ADAMTSL1: variants seen among roughly 807,000 people sequenced by gnomAD.
ADAMTSL1 encodes ADAMTS like 1.
A neutral mutation model predicts 201.8 loss-of-function variants in ADAMTSL1; 126 were observed. The ratio of observed to expected loss-of-function variants is 0.62; its 90% CI spans 0.54 to 0.72. ADAMTSL1 has a LOEUF of 0.72. ADAMTSL1 is among the 30% of genes least tolerant of loss of function. ADAMTSL1 has a pLI of 0.00. For missense variants in ADAMTSL1, 2,679 were observed against 2,277.8 expected (o/e 1.18, Z -3.59); for synonymous variants, 1,121 against 903.4 (o/e 1.24, Z -4.32).
intron 1 of ADAMTSL1, among the ~76,000 whole-genome samples, chr9:18,034,156 T>G (rs1249901150): frequency 6.6e-6 from 1 of 152,202 alleles, no homozygotes; most frequent in Admixed American, 6.5e-5. Context: ...ATAAAAACTT[T>G]TCTTTGAATC....
chr9:18,800,691 G>T (rs1169405445), intron 20 of ADAMTSL1, among the ~76,000 whole-genome samples: 1 of 152,174 alleles, frequency 6.6e-6, no homozygotes, highest in African/African-American at 2.4e-5. Context: ...GCACATCTCA[G>T]TCTCAAAAAA....
At chr9:18,740,457 C>CTTT (rs66460645) in intron 15 of ADAMTSL1, among the ~76,000 whole-genome samples, 4 of 126,590 alleles carry the variant, frequency 3.2e-5, no homozygotes, top group Non-Finnish European at 3.2e-5. Context: ...ATGTTCCTTT[C>CTTT]TTTTTTTTTT....
chr9:18,251,492 C>A (rs1018393194), intron 2 of ADAMTSL1, among the ~76,000 whole-genome samples: 2 of 152,078 alleles, frequency 1.3e-5, no homozygotes, highest in Admixed American at 6.5e-5. Flanking sequence ...TTCTGAATGG[C>A]AGGAGAATAT....
intron 2 of ADAMTSL1, among the ~76,000 whole-genome samples, chr9:18,194,259 A>C (rs535752674): frequency 6.6e-6 from 1 of 152,168 alleles, no homozygotes; most frequent in African/African-American, 2.4e-5. Flanking sequence ...GGCTAAGTCA[A>C]GTTATTTTTT....
chr9:18,462,500 A>G (rs1820844369), intron 2 of ADAMTSL1, among the ~76,000 whole-genome samples: 1 of 152,242 alleles, frequency 6.6e-6, no homozygotes, highest in African/African-American at 2.4e-5. Context: ...AAAATTTTTT[A>G]TATAACTATG....
intron 23 of ADAMTSL1, among the ~76,000 whole-genome samples, chr9:18,854,043 C>A (rs1211551806): frequency 2.6e-5 from 4 of 152,100 alleles, no homozygotes; most frequent in Non-Finnish European, 4.4e-5. Flanking sequence ...TGTGCCACAT[C>A]CTGCTATGTT....
intron 20 of ADAMTSL1, among the ~76,000 whole-genome samples, chr9:18,809,442 AG>A (rs1464212164): frequency 5.3e-5 from 8 of 152,076 alleles, no homozygotes; most frequent in Non-Finnish European, 1.2e-4. Context: ...GGGCTAAGTG[AG>A]GTAGGTGATA....
At chr9:18,639,512 G>A in intron 7 of ADAMTSL1, 101 bp downstream of exon 7, 1 of 1,400,214 alleles carries the variant, frequency 7.1e-7, no homozygotes, top group Non-Finnish European at 9.7e-7. Flanking sequence ...CATATGTTTG[G>A]AAAGCCCGTT....
intron 23 of ADAMTSL1, among the ~76,000 whole-genome samples, chr9:18,837,282 T>TA: frequency 6.6e-6 from 1 of 152,252 alleles, no homozygotes; most frequent in Non-Finnish European, 1.5e-5. Flanking sequence ...GTATATGATA[T>TA]AAGCTATATA....
intron 2 of ADAMTSL1, among the ~76,000 whole-genome samples, chr9:18,184,738 T>C (rs751354559): frequency 1.3e-5 from 2 of 152,194 alleles, no homozygotes; most frequent in Non-Finnish European, 2.9e-5. Flanking sequence ...GAAAAAAATA[T>C]GAGGCAGCAA....
intron 15 of ADAMTSL1, among the ~76,000 whole-genome samples, chr9:18,727,632 A>T (rs1254369282): frequency 1.3e-5 from 2 of 152,232 alleles, no homozygotes; most frequent in Admixed American, 1.3e-4. Flanking sequence ...GACATCAACA[A>T]GGGTAAAGGT....
chr9:18,639,156 C>T (rs1827285144), intron 6 of ADAMTSL1, 98 bp from the exon 7 acceptor site: 2 of 1,172,236 alleles, frequency 1.7e-6, no homozygotes, highest in Non-Finnish European at 2.5e-6. Context: ...AATGATGTGT[C>T]TCCCTTACCT....
intron 2 of ADAMTSL1, among the ~76,000 whole-genome samples, chr9:18,203,163 T>A (rs887626701): frequency 1.3e-5 from 2 of 152,112 alleles, no homozygotes; most frequent in Non-Finnish European, 2.9e-5. Context: ...AAGAGGACAG[T>A]AAGCTCTGCT....
At chr9:18,399,314 T>TAC (rs1817882374) in intron 2 of ADAMTSL1, among the ~76,000 whole-genome samples, 1 of 124,096 alleles carries the variant, frequency 8.1e-6, no homozygotes, top group Non-Finnish European at 1.7e-5. Flanking sequence ...TATATATATA[T>TAC]ATATATATAT....
intron 16 of ADAMTSL1, among the ~76,000 whole-genome samples, chr9:18,766,950 T>C (rs574688201): frequency 6.6e-6 from 1 of 152,298 alleles, no homozygotes; most frequent in East Asian, 1.9e-4. Context: ...CTTATTTATT[T>C]TAGAAGTATA....
chr9:18,466,890 G>A (rs902394687), intron 2 of ADAMTSL1, among the ~76,000 whole-genome samples: 8 of 152,116 alleles, frequency 5.3e-5, no homozygotes, highest in African/African-American at 1.9e-4. Context: ...ATTTTCCGTG[G>A]TTTAATTGCT....
chr9:18,220,448 A>G (rs759630798), intron 2 of ADAMTSL1, among the ~76,000 whole-genome samples: 2 of 151,860 alleles, frequency 1.3e-5, no homozygotes, highest in Non-Finnish European at 2.9e-5. Context: ...CAAACTTTTT[A>G]TTGTCATTTT....
At chr9:18,773,392 C>G (rs1820802280) in intron 17 of ADAMTSL1, among the ~76,000 whole-genome samples, 1 of 150,134 alleles carries the variant, frequency 6.7e-6, no homozygotes, top group African/African-American at 2.4e-5. Context: ...TTGCTCCTTT[C>G]CCCCCAAAAA....
chr9:18,653,089 C>G (rs1481476795), intron 7 of ADAMTSL1, among the ~76,000 whole-genome samples: 1 of 152,226 alleles, frequency 6.6e-6, no homozygotes, highest in African/African-American at 2.4e-5. Context: ...GCGTTTAGAA[C>G]TGAGCTAATC....
Sources: allele counts gnomAD v4.1 joint callset (sites outside exome capture counted in the v4.1 genomes callset), GRCh38; gene constraint gnomAD v4.1.1; transcripts MANE v1.5; gene names NCBI Gene and HGNC (gene_info 2026-07-23, HGNC 2026-07-21).